NXPE2: variants seen among roughly 807,000 people sequenced by gnomAD.
The protein encoded by NXPE2 is neurexophilin and PC-esterase domain family member 2.
NXPE2 carries 34 observed loss-of-function variants against 34.4 expected under a neutral mutation model. That is an observed-to-expected ratio of 0.99 (90% confidence interval 0.75 to 1.31). NXPE2 has a LOEUF of 1.31. Ranked by LOEUF, NXPE2 falls within the 40% of genes most tolerant of loss-of-function variation. NXPE2 has a pLI of 0.00. For synonymous variants in NXPE2, 235 were observed against 231.3 expected, an observed-to-expected ratio of 1.02 and a Z score of -0.15; for missense variants, 649 against 672.5, an observed-to-expected ratio of 0.97 and a Z score of 0.39.
the NXPE2 span, among the ~76,000 whole-genome samples, chr11:114,779,268 A>T: frequency 6.8e-5 from 10 of 146,638 alleles, no homozygotes; most frequent in Non-Finnish European, 1.5e-5. Flanking sequence ...TGAAGGGAAG[A>T]GCATTTAACT....
At chr11:114,709,634 TG>T (rs1375723128), downstream of NXPE2, among the ~76,000 whole-genome samples, 1 of 152,194 alleles carries the variant, frequency 6.6e-6, no homozygotes, top group Non-Finnish European at 1.5e-5. Context: ...ATGCTGGGTG[TG>T]GTGGCTAGTG....
the NXPE2 span, among the ~76,000 whole-genome samples, chr11:114,610,668 C>A: frequency 4.8e-5 from 7 of 145,592 alleles, no homozygotes; most frequent in Admixed American, 4.8e-4. Flanking sequence ...GTGGATAATA[C>A]ATGTTGCCTC....
chr11:114,514,596 C>T, the NXPE2 span, among the ~76,000 whole-genome samples: 1 of 152,042 alleles, frequency 6.6e-6, no homozygotes, highest in Non-Finnish European at 1.5e-5. Context: ...ACTATGTTGC[C>T]CAGGCTGGTC....
chr11:114,564,906 TATAAAAGATTATCTCTCTAGTTGG>T, the NXPE2 span, among the ~76,000 whole-genome samples: 1 of 152,208 alleles, frequency 6.6e-6, no homozygotes, highest in African/African-American at 2.4e-5. Flanking sequence ...TTCTATACTC[TATAAAAGATTATCTCTCTAGTTGG>T]ATAATGAATA....
the NXPE2 span, among the ~76,000 whole-genome samples, chr11:114,762,248 C>T: frequency 6.6e-6 from 1 of 152,062 alleles, no homozygotes; most frequent in Non-Finnish European, 1.5e-5. Flanking sequence ...CCTATGCATG[C>T]TTGTCCCGGG....
At chr11:114,561,502 T>G in the NXPE2 span, among the ~76,000 whole-genome samples, 7 of 152,232 alleles carry the variant, frequency 4.6e-5, no homozygotes, top group African/African-American at 1.7e-4. Context: ...GTTTCTTATC[T>G]TGTAAAGTCT....
chr11:114,542,726 A>C, the NXPE2 span, among the ~76,000 whole-genome samples: 1 of 152,192 alleles, frequency 6.6e-6, no homozygotes, highest in African/African-American at 2.4e-5. Flanking sequence ...ATTAGAGGGA[A>C]GCAATAGTCA....
At chr11:114,572,931 A>G in the NXPE2 span, among the ~76,000 whole-genome samples, 1 of 152,196 alleles carries the variant, frequency 6.6e-6, no homozygotes, top group Non-Finnish European at 1.5e-5. Context: ...TAAAGTCAAG[A>G]TGAAGGAAAA....
chr11:114,619,920 A>G, the NXPE2 span, among the ~76,000 whole-genome samples: 1 of 147,860 alleles, frequency 6.8e-6, no homozygotes, highest in African/African-American at 2.5e-5. Flanking sequence ...GTGTTACCTC[A>G]TGGGTAACCA....
At chr11:114,724,556 A>G in the NXPE2 span, among the ~76,000 whole-genome samples, 1 of 152,104 alleles carries the variant, frequency 6.6e-6, no homozygotes, top group Non-Finnish European at 1.5e-5. Flanking sequence ...TTAAGCCTCA[A>G]TGGCAACTGG....
the NXPE2 span, among the ~76,000 whole-genome samples, chr11:114,473,458 G>A: frequency 2.6e-5 from 4 of 152,002 alleles, no homozygotes; most frequent in Non-Finnish European, 5.9e-5. Flanking sequence ...TTTCGCTAGG[G>A]CATTCCTTTA....
the NXPE2 span, among the ~76,000 whole-genome samples, chr11:114,640,889 T>C: frequency 1.3e-5 from 2 of 152,082 alleles, no homozygotes; most frequent in Non-Finnish European, 2.9e-5. Flanking sequence ...AAATATTTTC[T>C]CTCATTTTGT....
chr11:114,508,248 CA>C, the NXPE2 span, among the ~76,000 whole-genome samples: 1 of 152,088 alleles, frequency 6.6e-6, no homozygotes, highest in Non-Finnish European at 1.5e-5. Flanking sequence ...TCAGAGCTGA[CA>C]CAAACAAATG....
the NXPE2 span, among the ~76,000 whole-genome samples, chr11:114,489,914 C>G: frequency 5.3e-5 from 8 of 151,998 alleles, no homozygotes; most frequent in East Asian, 9.7e-4. Context: ...GAGGAAGTCA[C>G]ATTGTCCCTG....
At chr11:114,710,983 A>G (rs1435476449), downstream of NXPE2, among the ~76,000 whole-genome samples, 1 of 152,146 alleles carries the variant, frequency 6.6e-6, no homozygotes, top group Non-Finnish European at 1.5e-5. Context: ...CAAAATAAGG[A>G]ACAAAAACTA....
chr11:114,470,309 C>A, the NXPE2 span, among the ~76,000 whole-genome samples: 1 of 152,102 alleles, frequency 6.6e-6, no homozygotes, highest in East Asian at 1.9e-4. Flanking sequence ...TATATTCTCA[C>A]CAACTATGTG....
the NXPE2 span, among the ~76,000 whole-genome samples, chr11:114,535,779 A>T: frequency 1.3e-5 from 2 of 152,326 alleles, no homozygotes; most frequent in East Asian, 3.9e-4. Context: ...TAGATTCATA[A>T]AGCAAGTCCT....
chr11:114,621,402 C>G, the NXPE2 span, among the ~76,000 whole-genome samples: 2 of 152,170 alleles, frequency 1.3e-5, no homozygotes, highest in Admixed American at 1.3e-4. Flanking sequence ...TGGGTAACCA[C>G]AGTTACCCTG....
the NXPE2 span, among the ~76,000 whole-genome samples, chr11:114,783,107 G>T: frequency 6.6e-6 from 1 of 152,188 alleles, no homozygotes; most frequent in Non-Finnish European, 1.5e-5. Flanking sequence ...ACGACAATGG[G>T]CTTTTCCATT....
Sources: allele counts gnomAD v4.1 joint callset (sites outside exome capture counted in the v4.1 genomes callset), GRCh38; gene constraint gnomAD v4.1.1; transcripts MANE v1.5; gene names NCBI Gene and HGNC (gene_info 2026-07-23, HGNC 2026-07-21).